PLXNA4: variants seen among roughly 807,000 people sequenced by gnomAD.
PLXNA4 encodes the protein plexin A4, also known as plexin-A4.
PLXNA4 carries 44 observed loss-of-function variants against 191.8 expected under a neutral mutation model. The observed-to-expected ratio is 0.23, with a 90% CI of 0.18 to 0.29. The LOEUF (loss-of-function observed/expected upper bound fraction) is 0.29, where lower values mean the gene tolerates loss of function less well. Among genes scored for constraint, PLXNA4 ranks in the 10% least tolerant of loss-of-function variants. The probability of loss-of-function intolerance (pLI) is 1.00; values close to 1 mark genes in which losing one functional copy is unlikely to be tolerated. For synonymous variants in PLXNA4, 1,082 were observed against 1,009.5 expected (o/e 1.07, Z -1.36); for missense variants, 1,800 against 2,488.8 (o/e 0.72, Z 5.89).
chr7:132,620,574 C>T (rs1421218756), intron 2 of PLXNA4, among the ~76,000 whole-genome samples: 2 of 152,120 alleles, frequency 1.3e-5, no homozygotes, highest in South Asian at 2.1e-4. Flanking sequence ...AACAACATTG[C>T]CCTGGTTTAT....
At chr7:132,569,542 A>G (rs892145350) in intron 1 of PLXNA4, among the ~76,000 whole-genome samples, 2 of 152,248 alleles carry the variant, frequency 1.3e-5, no homozygotes, top group African/African-American at 4.8e-5. Flanking sequence ...CACTGTATAC[A>G]TGTTAAAATA....
intron 3 of PLXNA4, among the ~76,000 whole-genome samples, chr7:132,468,660 C>G (rs1796800443): frequency 6.6e-6 from 1 of 151,898 alleles, no homozygotes; most frequent in Non-Finnish European, 1.5e-5. Flanking sequence ...AATAAGTTAT[C>G]CAAAATGGCA....
intron 2 of PLXNA4, among the ~76,000 whole-genome samples, chr7:132,602,983 T>A (rs1802850000): frequency 6.6e-6 from 1 of 152,198 alleles, no homozygotes; most frequent in Non-Finnish European, 1.5e-5. Flanking sequence ...TTCCATTAAG[T>A]ATGCCCTATC....
intron 30 of PLXNA4, among the ~76,000 whole-genome samples, chr7:132,133,891 C>T (rs1010980587): frequency 6.6e-6 from 1 of 152,168 alleles, no homozygotes; most frequent in Non-Finnish European, 1.5e-5. Flanking sequence ...CTCACCCTCT[C>T]CTATGTACTT....
intron 1 of PLXNA4, among the ~76,000 whole-genome samples, chr7:132,553,776 A>C (rs1800668881): frequency 6.6e-6 from 1 of 152,092 alleles, no homozygotes; most frequent in Non-Finnish European, 1.5e-5. Context: ...CAGGGTCCCC[A>C]CTGATCTACA....
At chr7:132,554,021 G>A (rs1174690497) in intron 1 of PLXNA4, among the ~76,000 whole-genome samples, 1 of 152,188 alleles carries the variant, frequency 6.6e-6, no homozygotes, top group Non-Finnish European at 1.5e-5. Context: ...GAGAGAAATA[G>A]AGAGGAGATA....
intron 4 of PLXNA4, among the ~76,000 whole-genome samples, chr7:132,269,682 A>G (rs1326383019): frequency 6.6e-6 from 1 of 151,950 alleles, no homozygotes; most frequent in Non-Finnish European, 1.5e-5. Context: ...TTTTCTGCCA[A>G]CTGTTGCCCT....
chr7:132,616,167 T>C (rs377616181), intron 2 of PLXNA4, among the ~76,000 whole-genome samples: 2 of 152,258 alleles, frequency 1.3e-5, no homozygotes, highest in South Asian at 2.1e-4. Flanking sequence ...ATGGTCACCA[T>C]GCACCCCACA....
At chr7:132,350,738 A>C (rs1051142663) in intron 3 of PLXNA4, among the ~76,000 whole-genome samples, 1 of 152,176 alleles carries the variant, frequency 6.6e-6, no homozygotes, top group Non-Finnish European at 1.5e-5. Context: ...GCACCTTCTC[A>C]AGTGGTGAAA....
chr7:132,361,225 G>T (rs1803928772), intron 3 of PLXNA4, among the ~76,000 whole-genome samples: 3 of 152,158 alleles, frequency 2.0e-5, no homozygotes, highest in African/African-American at 4.8e-5. Flanking sequence ...AATCATGAGG[G>T]CTGTCCACTG....
At chr7:132,573,801 C>T (rs1802091277) in intron 1 of PLXNA4, among the ~76,000 whole-genome samples, 1 of 152,150 alleles carries the variant, frequency 6.6e-6, no homozygotes, top group South Asian at 2.1e-4. Flanking sequence ...GTAGGTGACC[C>T]ATGCCTAGTG....
chr7:132,489,235 G>A, intron 3 of PLXNA4, 57 bp downstream of exon 3: 1 of 1,517,120 alleles, frequency 6.6e-7, no homozygotes, highest in Non-Finnish European at 9.0e-7. Flanking sequence ...ATAACATCCA[G>A]CCCAGGAGGG....
chr7:132,630,827 T>G (rs978935343), intron 2 of PLXNA4, among the ~76,000 whole-genome samples: 2 of 152,212 alleles, frequency 1.3e-5, no homozygotes, highest in African/African-American at 4.8e-5. Context: ...TGACTCTTTA[T>G]GGTCATGTCA....
intron 1 of PLXNA4, among the ~76,000 whole-genome samples, chr7:132,570,730 G>A (rs1002670041): frequency 6.6e-6 from 1 of 152,210 alleles, no homozygotes; most frequent in Non-Finnish European, 1.5e-5. Flanking sequence ...ATTGACTGCG[G>A]AGACTATCCT....
chr7:132,279,160 G>A (rs532075015), intron 4 of PLXNA4, among the ~76,000 whole-genome samples: 72 of 152,340 alleles, frequency 4.7e-4, no homozygotes, highest in African/African-American at 1.7e-3. Context: ...TCTGGAAAGT[G>A]CTTCCTGACT....
chr7:132,383,653 C>A (rs1259666192), intron 3 of PLXNA4: 7 of 982,452 alleles, frequency 7.1e-6, no homozygotes, highest in Non-Finnish European at 7.3e-6. Flanking sequence ...ATCTACCTAA[C>A]CATTCTCCTA....
chr7:132,493,513 G>T (rs1797884306), intron 2 of PLXNA4, among the ~76,000 whole-genome samples: 1 of 152,128 alleles, frequency 6.6e-6, no homozygotes, highest in South Asian at 2.1e-4. Context: ...GAGGACTCTG[G>T]ATCTTTTTTC....
chr7:132,407,711 C>A (rs918832837), intron 3 of PLXNA4, among the ~76,000 whole-genome samples: 2 of 152,170 alleles, frequency 1.3e-5, no homozygotes, highest in Non-Finnish European at 2.9e-5. Context: ...GGGGCCAATT[C>A]TTTTGCTTTC....
chr7:132,205,239 G>C (rs1797575739), intron 10 of PLXNA4, among the ~76,000 whole-genome samples: 1 of 152,152 alleles, frequency 6.6e-6, no homozygotes, highest in Non-Finnish European at 1.5e-5. Flanking sequence ...CTTTAGACTG[G>C]TGGCTCTTAG....
Sources: allele counts gnomAD v4.1 joint callset (sites outside exome capture counted in the v4.1 genomes callset), GRCh38; gene constraint gnomAD v4.1.1; transcripts MANE v1.5; gene names NCBI Gene and HGNC (gene_info 2026-07-23, HGNC 2026-07-21).